Variants in CNTN5 observed in about 807,000 individuals in gnomAD.
CNTN5 encodes contactin 5, also known as contactin-5.
A neutral mutation model predicts 129.1 loss-of-function variants in CNTN5; 77 were observed. The ratio of observed to expected loss-of-function variants is 0.60; its 90% CI spans 0.50 to 0.72. The LOEUF (loss-of-function observed/expected upper bound fraction) is 0.72, where lower values mean the gene tolerates loss of function less well. CNTN5 is among the 30% of genes least tolerant of loss of function. The pLI is 0.00. For synonymous variants in CNTN5, 509 were observed against 465.6 expected (o/e 1.09, Z -1.20); for missense variants, 1,478 against 1,328.8 (o/e 1.11, Z -1.75).
At chr11:100,039,667 T>C (rs931435058) in intron 9 of CNTN5, among the ~76,000 whole-genome samples, 3 of 152,168 alleles carry the variant, frequency 2.0e-5, no homozygotes, top group African/African-American at 4.8e-5. Context: ...TTTGTTTGTT[T>C]CTTTTTGTTC....
intron 21 of CNTN5, among the ~76,000 whole-genome samples, chr11:100,312,299 TG>T (rs1162355975): frequency 3.5e-4 from 53 of 152,174 alleles, no homozygotes; most frequent in African/African-American, 1.3e-3. Flanking sequence ...AATAGCTGCA[TG>T]TAGATTTAAC....
At chr11:100,349,617 G>A (rs947209755) in intron 23 of CNTN5, among the ~76,000 whole-genome samples, 2 of 151,734 alleles carry the variant, frequency 1.3e-5, no homozygotes, top group Admixed American at 1.3e-4. Context: ...CTTTTGCTAT[G>A]TTTTGTAGGA....
chr11:99,345,611 G>A (rs529767706), intron 2 of CNTN5, among the ~76,000 whole-genome samples: 1 of 152,260 alleles, frequency 6.6e-6, no homozygotes, highest in African/African-American at 2.4e-5. Context: ...AATAGCTCAA[G>A]ATCAAGATTT....
At position 100,070,565 on chromosome 11, in the gene CNTN5, T is replaced by C. The variant is rs769452934; in HGVS notation, c.1299+5T>C. 1 of 1,612,598 alleles carries C rather than the reference T, an allele frequency of 6.2e-7. No homozygotes were observed. Among genetic ancestry groups the C allele is most frequent in the South Asian group, 1.1e-5 (1 of 90,956 alleles). ...GGAGTACCCCTCTCACCTCAGGTACTGTTGGGAGTTATTAACCTGTTCTGC... is the reference window on the plus strand; with the variant it reads ...GGAGTACCCCTCTCACCTCAGGTACCGTTGGGAGTTATTAACCTGTTCTGC... On this transcript the variant is annotated splice_donor_5th_base_variant and intron_variant, in intron 11 of 24. Transcript: ENST00000524871.
chr11:99,596,389 G>A (rs1249075189), intron 3 of CNTN5, among the ~76,000 whole-genome samples: 2 of 152,086 alleles, frequency 1.3e-5, no homozygotes, highest in South Asian at 2.1e-4. Context: ...TCATAGAAAT[G>A]CAATGTGAAG....
intron 13 of CNTN5, among the ~76,000 whole-genome samples, chr11:100,162,205 GAACT>G (rs1215170847): frequency 1.3e-5 from 2 of 151,812 alleles, no homozygotes; most frequent in East Asian, 3.9e-4. Flanking sequence ...AGCATTAAAT[GAACT>G]AACCGCGATA....
In CNTN5 at chr11:100,011,263, T is replaced by G. The variant is rs527310800; in HGVS notation, c.980+9127T>G. On this transcript the variant is annotated intron_variant, in intron 9 of 24. Transcript: ENST00000524871. Reference sequence around the variant, plus strand: ...GACCCTAGAAAGAGCACTAGATATGTCAACTAGCCTCCAACAGAAACAGAA... The same window carrying G: ...GACCCTAGAAAGAGCACTAGATATGGCAACTAGCCTCCAACAGAAACAGAA... 2.6e-5 allele frequency among the ~76,000 whole-genome samples: 4 copies of G among 152,164 alleles called. 1 individual carries two copies. In the South Asian group the frequency reaches 8.3e-4, roughly 32 times the overall value.
At chr11:100,100,273 A>C (rs2138055943) in intron 13 of CNTN5, among the ~76,000 whole-genome samples, 1 of 152,226 alleles carries the variant, frequency 6.6e-6, no homozygotes, top group East Asian at 1.9e-4. Flanking sequence ...ATTCTGGATT[A>C]GTTTCCAGAA....
At chr11:99,391,635 A>G (rs1376985768) in intron 2 of CNTN5, among the ~76,000 whole-genome samples, 16 of 152,086 alleles carry the variant, frequency 1.1e-4, no homozygotes, top group Non-Finnish European at 5.9e-5. Flanking sequence ...TCCACAATTC[A>G]TAATATAGAA....
At chr11:99,306,268 G>A (rs1228264308) in intron 1 of CNTN5, among the ~76,000 whole-genome samples, 1 of 152,070 alleles carries the variant, frequency 6.6e-6, no homozygotes, top group Non-Finnish European at 1.5e-5. Context: ...TATTATCTCT[G>A]GACATTGGGG....
intron 24 of CNTN5, 54 bp from the exon 25 acceptor site, chr11:100,356,063 T>A: frequency 8.2e-7 from 1 of 1,221,756 alleles, no homozygotes; most frequent in Non-Finnish European, 1.2e-6. Flanking sequence ...AATTCTGTCC[T>A]AGCTCAAGCA....
chr11:99,834,593 A>T (rs910724841), intron 4 of CNTN5, among the ~76,000 whole-genome samples: 14 of 152,210 alleles, frequency 9.2e-5, no homozygotes, highest in Non-Finnish European at 1.9e-4. Context: ...CATTTTTAAA[A>T]GAATTACCCG....
intron 15 of CNTN5, among the ~76,000 whole-genome samples, chr11:100,213,541 A>C (rs926455129): frequency 1.3e-5 from 2 of 152,126 alleles, no homozygotes; most frequent in African/African-American, 4.8e-5. Context: ...CCTAGCTAAG[A>C]CTTGTTATTT....
chr11:99,515,764 A>G (rs2466911), intron 2 of CNTN5, among the ~76,000 whole-genome samples: 149,423 of 151,998 alleles, frequency 0.98, 73,507 homozygotes, highest in East Asian at 1. Context: ...TCTATATGCT[A>G]TTTTATTAAG....
At chr11:99,087,759 T>C (rs2135305566) in intron 1 of CNTN5, among the ~76,000 whole-genome samples, 1 of 152,344 alleles carries the variant, frequency 6.6e-6, no homozygotes, top group African/African-American at 2.4e-5. Flanking sequence ...TTTCAAAATG[T>C]ATTACAGTTA....
chr11:99,493,195 A>G (rs1349529173), intron 2 of CNTN5, among the ~76,000 whole-genome samples: 13 of 152,254 alleles, frequency 8.5e-5, no homozygotes, highest in Non-Finnish European at 1.2e-4. Context: ...TTTTACAAAA[A>G]TTATCTGAAA....
intron 3 of CNTN5, among the ~76,000 whole-genome samples, chr11:99,685,828 A>G (rs574506060): frequency 1.3e-5 from 2 of 152,034 alleles, no homozygotes; most frequent in Non-Finnish European, 2.9e-5. Flanking sequence ...CAAATCATCT[A>G]CATTTTATGT....
intron 1 of CNTN5, among the ~76,000 whole-genome samples, chr11:99,144,364 A>G (rs7130827): frequency 0.91 from 138,460 of 152,228 alleles, 63,241 homozygotes; most frequent in East Asian, 0.99. Context: ...AGCAAAGGAA[A>G]TTCTTGGTGC....
intron 10 of CNTN5, among the ~76,000 whole-genome samples, chr11:100,063,424 G>A (rs1292960313): frequency 6.6e-6 from 1 of 151,790 alleles, no homozygotes; most frequent in Non-Finnish European, 1.5e-5. Context: ...GAGAAACTGG[G>A]CTGGCTGGCT....
Sources: allele counts gnomAD v4.1 joint callset (sites outside exome capture counted in the v4.1 genomes callset), GRCh38; gene constraint gnomAD v4.1.1; transcripts MANE v1.5; gene names NCBI Gene and HGNC (gene_info 2026-07-23, HGNC 2026-07-21).